Variants in KLHL3 observed in about 807,000 individuals in gnomAD.
KLHL3 encodes kelch-like protein 3.
KLHL3 carries 19 observed loss-of-function variants against 70.5 expected under a neutral mutation model. The observed-to-expected ratio is 0.27, with a 90% CI of 0.19 to 0.40. The LOEUF is 0.40. Among genes scored for constraint, KLHL3 ranks in the 10% least tolerant of loss-of-function variants. KLHL3 has a pLI of 1.00. For missense variants in KLHL3, 512 were observed against 771.1 expected, an observed-to-expected ratio of 0.66 and a Z score of 3.98; for synonymous variants, 258 against 290.3, an observed-to-expected ratio of 0.89 and a Z score of 1.13.
At chr5:137,699,224 G>T (rs572403557) in intron 3 of KLHL3, among the ~76,000 whole-genome samples, 37 of 152,194 alleles carry the variant, frequency 2.4e-4, no homozygotes, top group African/African-American at 8.4e-4. Context: ...GGCAGCAAAG[G>T]TGAGGAAGGA....
At chr5:137,656,899 C>G (rs1323059326) in intron 8 of KLHL3, among the ~76,000 whole-genome samples, 1 of 152,240 alleles carries the variant, frequency 6.6e-6, no homozygotes, top group Non-Finnish European at 1.5e-5. Flanking sequence ...AGTAAATTAA[C>G]TTCTCTGAAA....
chr5:137,640,926 A>G (rs1750899894), intron 8 of KLHL3, among the ~76,000 whole-genome samples: 2 of 152,236 alleles, frequency 1.3e-5, no homozygotes, highest in African/African-American at 2.4e-5. Flanking sequence ...GGTTTTGGCT[A>G]TACACACTTA....
At chr5:137,700,717 TACTTAAA>T (rs997953143) in intron 3 of KLHL3, among the ~76,000 whole-genome samples, 6 of 152,150 alleles carry the variant, frequency 3.9e-5, no homozygotes, top group African/African-American at 9.7e-5. Flanking sequence ...CTATATTAAG[TACTTAAA>T]ACTTAAACAA....
intron 10 of KLHL3, among the ~76,000 whole-genome samples, chr5:137,637,737 C>A (rs1004661640): frequency 6.6e-6 from 1 of 152,196 alleles, no homozygotes; most frequent in Admixed American, 6.5e-5. Flanking sequence ...CTATTCCAAT[C>A]CCCTTTCCCC....
At chr5:137,695,583 A>C (rs1330101423) in intron 4 of KLHL3, among the ~76,000 whole-genome samples, 1 of 152,178 alleles carries the variant, frequency 6.6e-6, no homozygotes, top group African/African-American at 2.4e-5. Flanking sequence ...GCCCCATCCA[A>C]TGGGGTTCTG....
At chr5:137,699,707 G>A (rs1037961522) in intron 3 of KLHL3, among the ~76,000 whole-genome samples, 2 of 152,170 alleles carry the variant, frequency 1.3e-5, no homozygotes, top group African/African-American at 4.8e-5. Flanking sequence ...AGGAAAGACA[G>A]GCAACACATG....
intron 6 of KLHL3, among the ~76,000 whole-genome samples, chr5:137,669,198 A>G (rs984695834): frequency 2.6e-5 from 4 of 152,040 alleles, no homozygotes; most frequent in African/African-American, 9.7e-5. Flanking sequence ...TTCACAGCAC[A>G]CTGCACATTT....
chr5:137,628,728 GACAGACATACATACAT>G (rs1326418012), intron 12 of KLHL3: 27 of 89,628 alleles, frequency 3.0e-4, no homozygotes, highest in African/African-American at 1.3e-3. Flanking sequence ...CACACAGACA[GACAGACATACATACAT>G]ACATACATAC....
intron 8 of KLHL3, 136 bp from the exon 9 acceptor site, chr5:137,640,113 G>A: frequency 1.4e-6 from 1 of 703,112 alleles, no homozygotes; most frequent in Non-Finnish European, 2.5e-6. Context: ...ACATACATGG[G>A]GATGCTGCTC....
intron 5 of KLHL3, among the ~76,000 whole-genome samples, chr5:137,678,086 G>A (rs951640230): frequency 2.0e-5 from 3 of 152,176 alleles, no homozygotes; most frequent in East Asian, 1.9e-4. Context: ...GTGTGTCTGA[G>A]AGGTCTCTGG....
chr5:137,628,511 T>G, intron 12 of KLHL3, 74 bp from the exon 13 acceptor site: 1 of 1,561,566 alleles, frequency 6.4e-7, no homozygotes, highest in Non-Finnish European at 8.8e-7. Flanking sequence ...TGGCATCCAG[T>G]CCTGGACAGC....
rs1447174520 is a variant in KLHL3, at chr5:137,692,437, G to A, written c.374C>T (p.Pro125Leu). The A allele has an allele frequency of 3.7e-6, 6 of 1,613,804 alleles. No individual in the cohort carries two copies. The highest frequency in any genetic ancestry group is 1.1e-5 in the South Asian group (1 of 91,066). ...CATGAGCTGCAGCAAGCTGGCTGCC[G>A]GGAGCAGCACCTGCAAGAGAAGGTG... Reference protein sequence around the residue: ...VTEENVQVLLPAASLLQLMDV... With the variant: ...VTEENVQVLLLAASLLQLMDV... Residue 125 changes from proline to leucine, a missense_variant, in exon 5 of 15, where the codon CCG (proline) becomes CTG (leucine). Physicochemically the swap from Pro to Leu is moderately conservative, Grantham distance 98. Coordinates refer to ENST00000309755, the MANE Select transcript of KLHL3 (RefSeq NM_017415.3).
At chr5:137,732,487 G>A (rs1753194523) in intron 1 of KLHL3, among the ~76,000 whole-genome samples, 1 of 151,114 alleles carries the variant, frequency 6.6e-6, no homozygotes. Flanking sequence ...GAAAGATTAA[G>A]GTAGATCTTG....
intron 8 of KLHL3, among the ~76,000 whole-genome samples, chr5:137,653,678 T>TA (rs1342455673): frequency 3.9e-5 from 6 of 152,210 alleles, no homozygotes; most frequent in African/African-American, 7.2e-5. Context: ...ATAGCCATTT[T>TA]AAAAAACAGT....
At chr5:137,652,909 T>C (rs933304524) in intron 8 of KLHL3, among the ~76,000 whole-genome samples, 8 of 152,142 alleles carry the variant, frequency 5.3e-5, no homozygotes, top group Non-Finnish European at 8.8e-5. Context: ...CAAAACCTCA[T>C]GTTGTACATG....
rs894252083 is a variant in KLHL3 at position 137,732,301 on chromosome 5, C to A, written c.14+3332G>T. ...CACAGTGATTCTCCCATGGAGGGAA[C>A]TGGGGAAGACTTAGCATCATAAGGT... On this transcript the variant is annotated intron_variant, in intron 1 of 14. Coordinates refer to ENST00000309755, the MANE Select transcript of KLHL3 (RefSeq NM_017415.3). 5.9e-5 allele frequency among the ~76,000 whole-genome samples: 9 copies of A among 152,066 alleles called. No individual in the cohort carries two copies. In the East Asian group the frequency reaches 1.7e-3, roughly 29 times the overall value.
At chr5:137,685,854 C>T (rs974643467) in intron 5 of KLHL3, among the ~76,000 whole-genome samples, 2 of 152,176 alleles carry the variant, frequency 1.3e-5, no homozygotes, top group Admixed American at 6.5e-5. Context: ...GGAAAGCATA[C>T]ATATACAATG....
At position 137,735,744 on chromosome 5, in the gene KLHL3, T is replaced by C; in HGVS notation, c.-98A>G. The C allele has an allele frequency of 6.5e-7, 1 of 1,533,474 alleles. No individual in the cohort carries two copies. The highest frequency in any genetic ancestry group is 1.7e-5 in the Admixed American group (1 of 59,944). The allele number at this position is 1,533,474 out of a possible 1,614,324, so 95.0% of individuals were successfully genotyped here. A position where few individuals can be genotyped will look rare whatever the true frequency, so the allele number is the denominator to read the frequency against. On this transcript the variant is annotated 5_prime_UTR_variant, in exon 1 of 15. Coordinates refer to ENST00000309755, the MANE Select transcript of KLHL3 (RefSeq NM_017415.3). ...TCTCCCAGCAGACCAGTGGGAAATC[T>C]GATCAGCAACAGTGATTCAGCATGG...
chr5:137,629,833 T>C (rs918059674), intron 12 of KLHL3: 1 of 152,206 alleles, frequency 6.6e-6, no homozygotes, highest in East Asian at 1.9e-4. Context: ...TCCTCCATGC[T>C]CAGCAGGAAC....
Sources: gnomAD v4.1 joint callset for allele counts (sites outside exome capture counted in the v4.1 genomes callset) on GRCh38, gnomAD v4.1.1 for gene constraint, MANE v1.5 for transcripts, NCBI Gene and HGNC (gene_info 2026-07-23, HGNC 2026-07-21) for gene names.